The following BCAR3 variants were observed in gnomAD, a reference collection of about 807,000 sequenced individuals.
BCAR3 encodes breast cancer anti-estrogen resistance protein 3.
BCAR3 carries 37 observed loss-of-function variants against 80.1 expected under a neutral mutation model. The ratio of observed to expected loss-of-function variants is 0.46; its 90% CI spans 0.36 to 0.61. The LOEUF (loss-of-function observed/expected upper bound fraction) is 0.61. Ranked by LOEUF, BCAR3 falls within the 20% of genes least tolerant of loss-of-function variation. The pLI is 0.00. For missense variants in BCAR3, 978 were observed against 1,068.2 expected (o/e 0.92, Z 1.18); for synonymous variants, 389 against 418.9 (o/e 0.93, Z 0.87).
intron 2 of BCAR3, among the ~76,000 whole-genome samples, chr1:93,823,583 TC>T (rs145919147): frequency 7.4e-6 from 1 of 135,496 alleles, no homozygotes; most frequent in African/African-American, 2.5e-5. Context: ...TGACTGTACT[TC>T]TGCTCTACTG....
chr1:93,674,545 C>G, intron 2 of BCAR3, 69 bp downstream of exon 2: 1 of 1,521,716 alleles, frequency 6.6e-7, no homozygotes, highest in Admixed American at 2.1e-5. Flanking sequence ...CCACCACGCC[C>G]GGCCATAAAA....
chr1:93,571,430 G>A, intron 9 of BCAR3: 1 of 454,998 alleles, frequency 2.2e-6, no homozygotes, highest in Non-Finnish European at 4.0e-6. Flanking sequence ...CCTGGGAGGT[G>A]GAGGTTGCAG....
At chr1:93,662,636 T>C (rs1647717158) in intron 2 of BCAR3, among the ~76,000 whole-genome samples, 1 of 152,094 alleles carries the variant, frequency 6.6e-6, no homozygotes, top group African/African-American at 2.4e-5. Context: ...TAGCCTGAAT[T>C]TTCCTCACCC....
At chr1:93,752,540 C>T (rs939170456) in intron 2 of BCAR3, among the ~76,000 whole-genome samples, 10 of 152,282 alleles carry the variant, frequency 6.6e-5, no homozygotes, top group African/African-American at 2.4e-4. Context: ...TAGGAAGTAC[C>T]AAAGGTTTGA....
intron 3 of BCAR3, among the ~76,000 whole-genome samples, chr1:93,624,414 TAGAC>T (rs762747826): frequency 2.6e-5 from 4 of 152,218 alleles, no homozygotes; most frequent in Admixed American, 1.3e-4. Context: ...ATGTGCTCCT[TAGAC>T]AGTCCTTAGG....
chr1:93,674,911 G>A lies in BCAR3; in HGVS notation c.20C>T (p.Ala7Val). The A allele has an allele frequency of 1.3e-6, 2 of 1,560,244 alleles. No individual in the cohort carries two copies. The highest frequency in any genetic ancestry group is 1.7e-6 in the Non-Finnish European group (2 of 1,160,214). The change falls in exon 2 of 12, where the codon GCA becomes GTA. Residue 7 changes from alanine (A) to valine (V), a missense_variant. Transcript: ENST00000260502. ...CACCGGCATGTTTCTGGGAAGGCTT[G>A]CAAATTTTCCTGCAGCCATAATTCT... MAAGKF[A>V]SLPRNMPVNH...
At chr1:93,726,816 T>G (rs1257410267) in intron 2 of BCAR3, among the ~76,000 whole-genome samples, 1 of 152,256 alleles carries the variant, frequency 6.6e-6, no homozygotes, top group Admixed American at 6.5e-5. Context: ...CCACTAAATT[T>G]CTGCCCACAG....
chr1:93,618,612 T>C (rs1274471627), intron 3 of BCAR3, among the ~76,000 whole-genome samples: 1 of 152,210 alleles, frequency 6.6e-6, no homozygotes, highest in Non-Finnish European at 1.5e-5. Flanking sequence ...TCTCTACCAC[T>C]ACCACCTAGT....
chr1:93,819,403 A>G (rs754124203), intron 2 of BCAR3, among the ~76,000 whole-genome samples: 8 of 152,092 alleles, frequency 5.3e-5, no homozygotes, highest in Non-Finnish European at 1.0e-4. Context: ...ACCAATTGAT[A>G]CTTCGGGAGC....
intron 2 of BCAR3, among the ~76,000 whole-genome samples, chr1:93,672,487 C>T (rs1388091313): frequency 6.6e-6 from 1 of 152,204 alleles, no homozygotes; most frequent in Non-Finnish European, 1.5e-5. Flanking sequence ...CCACCATAAG[C>T]CAGCTAACAG....
At chr1:93,576,210 C>T in intron 7 of BCAR3, 81 bp from the exon 8 acceptor site, 1 of 1,018,470 alleles carries the variant, frequency 9.8e-7, no homozygotes, top group Non-Finnish European at 1.5e-6. Flanking sequence ...AGAAGAAACA[C>T]ACTGAACTAC....
chr1:93,846,062 C>T (rs1211617128), intron 1 of BCAR3, among the ~76,000 whole-genome samples: 1 of 152,166 alleles, frequency 6.6e-6, no homozygotes, highest in East Asian at 1.9e-4. Context: ...AGTTTTTTAA[C>T]CTCTCTTAGC....
At position 93,786,192 on chromosome 1, in the gene BCAR3, C is replaced by CAAAAAAAAAA. The variant is rs61644309; in HGVS notation, c.-63+59365_-63+59374dup. 4.3e-3 allele frequency among the ~76,000 whole-genome samples: 101 copies of CAAAAAAAAAA among 23,244 alleles called. 10 individuals are homozygous for CAAAAAAAAAA. The highest frequency in any genetic ancestry group is 0.012 in the African/African-American group (63 of 5,078). The allele number at this position is 23,244 out of a possible 152,430, so 15.2% of individuals were successfully genotyped here. ...TGGGCGTCAGAGCGAGACTCCGTCT[C>CAAAAAAAAAA]AAAAAAAAAAAAAAAAAAAAAAAAA... is the stretch of plus-strand genomic sequence containing the variant. On this transcript the variant is annotated intron_variant, in intron 2 of 13. Coordinates refer to the BCAR3 transcript ENST00000370244.
intron 2 of BCAR3, among the ~76,000 whole-genome samples, chr1:93,661,124 C>A (rs1647632512): frequency 6.6e-6 from 1 of 152,196 alleles, no homozygotes; most frequent in South Asian, 2.1e-4. Context: ...ACCACAACCT[C>A]CGCCTCCCGG....
At chr1:93,671,550 C>T (rs1220269794) in intron 2 of BCAR3, among the ~76,000 whole-genome samples, 1 of 152,146 alleles carries the variant, frequency 6.6e-6, no homozygotes, top group Non-Finnish European at 1.5e-5. Flanking sequence ...AAATTAACCC[C>T]TGAATTCACT....
At chr1:93,688,289 G>A (rs1302248864) in intron 3 of BCAR3, among the ~76,000 whole-genome samples, 2 of 152,072 alleles carry the variant, frequency 1.3e-5, no homozygotes, top group Non-Finnish European at 2.9e-5. Flanking sequence ...GACAACATAG[G>A]CTCATTTTCT....
chr1:93,580,964 C>T (rs1258753929), intron 7 of BCAR3, among the ~76,000 whole-genome samples: 1 of 152,114 alleles, frequency 6.6e-6, no homozygotes, highest in Non-Finnish European at 1.5e-5. Flanking sequence ...AGTTCAAGAC[C>T]AGCCTGAGCA....
chr1:93,618,206 C>T (rs1288673781), intron 3 of BCAR3, among the ~76,000 whole-genome samples: 1 of 152,164 alleles, frequency 6.6e-6, no homozygotes, highest in Non-Finnish European at 1.5e-5. Flanking sequence ...GGGAGGAGGG[C>T]AGGCAACAAT....
intron 2 of BCAR3, among the ~76,000 whole-genome samples, chr1:93,790,634 A>ATTCTTTTTTTTT (rs1234204229): frequency 2.8e-5 from 3 of 107,424 alleles, no homozygotes; most frequent in Admixed American, 9.7e-5. Flanking sequence ...TTTTGTATTC[A>ATTCTTTTTTTTT]TTTTTTTTTT....
Sources: gnomAD v4.1 joint callset for allele counts (sites outside exome capture counted in the v4.1 genomes callset) on GRCh38, gnomAD v4.1.1 for gene constraint, MANE v1.5 for transcripts, NCBI Gene and HGNC (gene_info 2026-07-23, HGNC 2026-07-21) for gene names.